ZNF385D: variants seen among roughly 807,000 people sequenced by gnomAD.
The protein encoded by ZNF385D is zinc finger protein 659.
Under a neutral mutation model 35.8 loss-of-function variants are expected in ZNF385D, and 15 were observed. That is an observed-to-expected ratio of 0.42 (90% CI 0.28 to 0.64). The LOEUF (loss-of-function observed/expected upper bound fraction) is 0.64. ZNF385D is among the 30% of genes least tolerant of loss of function. The pLI is 0.23. For missense variants in ZNF385D, 474 were observed against 494.6 expected, an observed-to-expected ratio of 0.96 and a Z score of 0.39; for synonymous variants, 212 against 186.8, an observed-to-expected ratio of 1.13 and a Z score of -1.10.
At chr3:22,132,353 T>G (rs1703852392) in intron 3 of ZNF385D, among the ~76,000 whole-genome samples, 1 of 152,194 alleles carries the variant, frequency 6.6e-6, no homozygotes, top group African/African-American at 2.4e-5. Flanking sequence ...GTTCTAATTT[T>G]GGACTTCCCA....
At chr3:21,912,544 T>C (rs1273172556) in intron 3 of ZNF385D, among the ~76,000 whole-genome samples, 2 of 152,002 alleles carry the variant, frequency 1.3e-5, no homozygotes, top group Admixed American at 1.3e-4. Context: ...CCAGGCATTG[T>C]GTGCCATTCG....
intron 3 of ZNF385D, among the ~76,000 whole-genome samples, chr3:22,110,881 C>G (rs1337212475): frequency 6.6e-6 from 1 of 151,428 alleles, no homozygotes. Context: ...ATAAGGCTGT[C>G]AAGAGAGGTA....
chr3:22,006,145 G>A (rs1351053709), intron 3 of ZNF385D, among the ~76,000 whole-genome samples: 1 of 152,038 alleles, frequency 6.6e-6, no homozygotes, highest in Admixed American at 6.6e-5. Flanking sequence ...CTTTAGATAA[G>A]TTTTTAAAAA....
chr3:21,452,373 G>A (rs1702511770), intron 4 of ZNF385D, among the ~76,000 whole-genome samples: 1 of 151,972 alleles, frequency 6.6e-6, no homozygotes, highest in Non-Finnish European at 1.5e-5. Context: ...AGACAAGAAT[G>A]TCCACTCTTG....
At chr3:21,608,012 C>CT (rs368555930) in intron 2 of ZNF385D, among the ~76,000 whole-genome samples, 38,436 of 120,440 alleles carry the variant, frequency 0.32, 6,626 homozygotes, top group South Asian at 0.54. Context: ...TCTTTTTCTT[C>CT]TTTTTTTTTT....
At position 22,175,744 on chromosome 3, in the gene ZNF385D, G is replaced by A. The variant is rs542212289; in HGVS notation, c.107-6709C>T. The stretch of plus-strand genomic sequence containing the variant: ...ATATGCATATACATACTGTATATAT[G>A]TGTATAAATTATACATATGCATATA... On this transcript the variant is annotated intron_variant, in intron 2 of 5. Transcript: ENST00000494108. 5.9e-5 allele frequency among the ~76,000 whole-genome samples: 9 copies of A among 151,346 alleles called. No homozygotes were observed. The South Asian group carries it at 1.0e-3, about 18-fold the overall frequency.
intron 3 of ZNF385D, among the ~76,000 whole-genome samples, chr3:22,119,750 C>T (rs914207468): frequency 6.6e-6 from 1 of 152,142 alleles, no homozygotes; most frequent in Non-Finnish European, 1.5e-5. Flanking sequence ...ACAGGATTCC[C>T]TGGGATTTCT....
chr3:21,910,880 T>C (rs1388145898), intron 3 of ZNF385D, among the ~76,000 whole-genome samples: 1 of 151,866 alleles, frequency 6.6e-6, no homozygotes, highest in Non-Finnish European at 1.5e-5. Context: ...TAAATTTAGT[T>C]TTTGAATTTT....
chr3:22,301,442 A>G (rs192004113), intron 2 of ZNF385D, among the ~76,000 whole-genome samples: 183 of 151,972 alleles, frequency 1.2e-3, no homozygotes, highest in African/African-American at 4.4e-3. Context: ...TCTCACCACA[A>G]AGGAATAAGT....
chr3:21,966,780 C>T (rs1038741426), intron 3 of ZNF385D, among the ~76,000 whole-genome samples: 2 of 152,174 alleles, frequency 1.3e-5, no homozygotes, highest in African/African-American at 4.8e-5. Flanking sequence ...TGGAGTTTTG[C>T]CATGTTGGCC....
chr3:21,893,100 A>G (rs923627461), intron 3 of ZNF385D, among the ~76,000 whole-genome samples: 2 of 152,276 alleles, frequency 1.3e-5, no homozygotes, highest in Admixed American at 6.5e-5. Context: ...CACTCCCTGC[A>G]TGATATCAAG....
chr3:21,710,536 T>G (rs987234578), intron 1 of ZNF385D, among the ~76,000 whole-genome samples: 12 of 152,216 alleles, frequency 7.9e-5, no homozygotes, highest in Non-Finnish European at 1.8e-4. Context: ...TGCATATTGG[T>G]GAGCAGTGCC....
rs1006248297 is a variant in ZNF385D, at chr3:21,551,160, A to G, written c.276+13414T>C. 2.0e-5 allele frequency among the ~76,000 whole-genome samples: 3 copies of G among 152,218 alleles called. No homozygotes were observed. In the East Asian group the frequency reaches 5.8e-4, roughly 29 times the overall value. On this transcript the variant is annotated intron_variant, in intron 3 of 7. Coordinates refer to ENST00000281523, the MANE Select transcript of ZNF385D (RefSeq NM_024697.3). ...CTCCTTCCAGTTAGTTCCATGAGGTAAGAAACCTTCAGGTCTTCTCTCTAG... is the reference window on the plus strand; with the variant it reads ...CTCCTTCCAGTTAGTTCCATGAGGTGAGAAACCTTCAGGTCTTCTCTCTAG...
intron 3 of ZNF385D, among the ~76,000 whole-genome samples, chr3:22,032,143 A>G (rs546142715): frequency 6.6e-6 from 1 of 152,332 alleles, no homozygotes; most frequent in African/African-American, 2.4e-5. Context: ...TGTCAAAACC[A>G]TTCAACAAGT....
chr3:22,030,173 A>T (rs1192556123), intron 3 of ZNF385D, among the ~76,000 whole-genome samples: 1 of 146,486 alleles, frequency 6.8e-6, no homozygotes, highest in Admixed American at 6.9e-5. Context: ...TGGGACTTGG[A>T]CTGGCTCTAC....
Position 22,014,727 on chromosome 3 carries a change from C to A in ZNF385D, c.325+154090G>T, listed in dbSNP as rs533914946. 2.0e-5 allele frequency among the ~76,000 whole-genome samples: 3 copies of A among 152,046 alleles called. No homozygotes were observed. In the East Asian group the frequency reaches 5.8e-4, roughly 29 times the overall value. On this transcript the variant is annotated intron_variant, in intron 3 of 5. Coordinates refer to the ZNF385D transcript ENST00000494108. ...TTGATATACAAGAAATAAGAAAGTG[C>A]AAACCGCTAAGAATTGTGATTAAAT...
intron 4 of ZNF385D, among the ~76,000 whole-genome samples, chr3:21,449,356 G>A (rs565292215): frequency 2.4e-4 from 37 of 151,358 alleles, no homozygotes; most frequent in African/African-American, 5.6e-4. Context: ...CATTTCACTC[G>A]TTGGGATCTT....
intron 1 of ZNF385D, among the ~76,000 whole-genome samples, chr3:21,668,644 T>A (rs1466422957): frequency 6.6e-6 from 1 of 152,212 alleles, no homozygotes; most frequent in Admixed American, 6.5e-5. Context: ...TTAAAAATTA[T>A]CTGTGACTAA....
At chr3:21,810,156 A>C (rs542195578) in intron 3 of ZNF385D, among the ~76,000 whole-genome samples, 22 of 127,528 alleles carry the variant, frequency 1.7e-4, no homozygotes, top group Admixed American at 3.7e-4. Flanking sequence ...AATATTAACA[A>C]ATCAAATCTA....
Sources: allele counts gnomAD v4.1 joint callset (sites outside exome capture counted in the v4.1 genomes callset), GRCh38; gene constraint gnomAD v4.1.1; transcripts MANE v1.5; gene names NCBI Gene and HGNC (gene_info 2026-07-23, HGNC 2026-07-21).